The following SGIP1 variants were observed in gnomAD, a reference collection of about 807,000 sequenced individuals.
The protein encoded by SGIP1 is SH3GL interacting endocytic adaptor 1.
SGIP1 carries 38 observed loss-of-function variants against 107.5 expected under a neutral mutation model. That is an observed-to-expected ratio of 0.35 (90% CI 0.27 to 0.46). The LOEUF is 0.46. SGIP1 is among the 20% of genes least tolerant of loss of function. The pLI is 1.00. For synonymous variants in SGIP1, 365 were observed against 366.1 expected (o/e 1.00, Z 0.03); for missense variants, 929 against 1,019.5 (o/e 0.91, Z 1.21).
rs991370760 is a variant in SGIP1 at position 66,747,103 on chromosome 1, T to C, written c.*4008T>C. The C allele has an allele frequency of 6.6e-5, 10 of 152,188 alleles. No individual in the cohort carries two copies. The East Asian group carries it at 7.7e-4, about 12-fold the overall frequency. The allele number at this position is 152,188 out of a possible 1,614,324, so 9.4% of individuals were successfully genotyped here. A position where few individuals can be genotyped will look rare whatever the true frequency, so the allele number is the denominator to read the frequency against. ...CTACTTTACTCAGATATACCACCTT[T>C]TGTGGCATTATAAGGAAACATGTAT... On this transcript the variant is annotated 3_prime_UTR_variant, in exon 25 of 25. Transcript: ENST00000371037.
At chr1:66,701,083 G>A (rs1201897743) in intron 18 of SGIP1, among the ~76,000 whole-genome samples, 3 of 152,036 alleles carry the variant, frequency 2.0e-5, no homozygotes, top group African/African-American at 7.3e-5. Flanking sequence ...TTAGTCATTG[G>A]CAAGTCACAA....
At chr1:66,742,611 A>C (rs1258734306) in intron 24 of SGIP1, among the ~76,000 whole-genome samples, 1 of 149,096 alleles carries the variant, frequency 6.7e-6, no homozygotes, top group African/African-American at 2.5e-5. Flanking sequence ...CTGGGACTAC[A>C]GGCGCCCACC....
intron 21 of SGIP1, among the ~76,000 whole-genome samples, chr1:66,735,960 T>C (rs1248498188): frequency 6.6e-6 from 1 of 151,584 alleles, no homozygotes; most frequent in African/African-American, 2.4e-5. Flanking sequence ...TTATTTTTCT[T>C]CAAATGAAGG....
intron 1 of SGIP1, among the ~76,000 whole-genome samples, chr1:66,625,104 A>G (rs997360211): frequency 6.6e-6 from 1 of 152,238 alleles, no homozygotes; most frequent in Admixed American, 6.5e-5. Flanking sequence ...ACCATTTGAT[A>G]TATCATAATA....
intron 1 of SGIP1, among the ~76,000 whole-genome samples, chr1:66,575,700 T>C (rs2060967989): frequency 6.6e-6 from 1 of 152,208 alleles, no homozygotes. Flanking sequence ...AAATTATTCA[T>C]GCCTGGTGCA....
At chr1:66,604,282 A>C (rs2066404702) in intron 1 of SGIP1, among the ~76,000 whole-genome samples, 1 of 152,192 alleles carries the variant, frequency 6.6e-6, no homozygotes. Flanking sequence ...ATAATGTAGC[A>C]AAATATTCCA....
chr1:66,721,886 A>G (rs1192866382), intron 19 of SGIP1, among the ~76,000 whole-genome samples: 1 of 152,106 alleles, frequency 6.6e-6, no homozygotes, highest in Non-Finnish European at 1.5e-5. Flanking sequence ...CCGCTTTTGC[A>G]CCCCTACAAA....
chr1:66,664,450 C>G (rs1281450653), intron 8 of SGIP1, among the ~76,000 whole-genome samples: 2 of 152,144 alleles, frequency 1.3e-5, no homozygotes, highest in Admixed American at 1.3e-4. Flanking sequence ...CACAATGACT[C>G]TCTGCTTTTG....
intron 1 of SGIP1, among the ~76,000 whole-genome samples, chr1:66,589,212 A>ATGTGTGTGTGTGTGTG (rs1203908242): frequency 4.5e-5 from 4 of 89,798 alleles, no homozygotes; most frequent in East Asian, 3.0e-4. Context: ...ATATATATAT[A>ATGTGTGTGTGTGTGTG]TATATGTAAG....
At chr1:66,538,491 G>A (rs758322280) in intron 1 of SGIP1, among the ~76,000 whole-genome samples, 2 of 152,020 alleles carry the variant, frequency 1.3e-5, no homozygotes, top group Non-Finnish European at 2.9e-5. Context: ...AAAAGAATAT[G>A]GAGTCTTTAA....
At chr1:66,542,676 G>C (rs147056026) in intron 1 of SGIP1, among the ~76,000 whole-genome samples, 1 of 152,222 alleles carries the variant, frequency 6.6e-6, no homozygotes, top group Middle Eastern at 3.4e-3. Context: ...CTTATGAATT[G>C]GTTATTTCTA....
intron 7 of SGIP1, among the ~76,000 whole-genome samples, chr1:66,648,184 C>T (rs2078004624): frequency 6.6e-6 from 1 of 152,182 alleles, no homozygotes; most frequent in African/African-American, 2.4e-5. Flanking sequence ...TAGGAAGGGG[C>T]ATGCCCTTGG....
intron 18 of SGIP1, among the ~76,000 whole-genome samples, chr1:66,715,573 T>C (rs2093190092): frequency 6.6e-6 from 1 of 152,110 alleles, no homozygotes. Flanking sequence ...TGACTTGTGG[T>C]TGTGTGTTCC....
chr1:66,622,510 G>A (rs188157030), intron 1 of SGIP1, among the ~76,000 whole-genome samples: 12 of 152,148 alleles, frequency 7.9e-5, no homozygotes, highest in South Asian at 6.2e-4. Context: ...CATTATAACC[G>A]GGCTGCCTAG....
At position 66,689,152 on chromosome 1, in the gene SGIP1, A is replaced by G. The variant is rs776037372; in HGVS notation, c.1320A>G (p.Ala440=). ...SGPGPGTTSG[A]SSPARPATPL... ...TAATGCTAGTTTGTTTTTCAGGTGC[A>G]TCATCCCCTGCTCGACCAGCCACTC... Residue 440 remains alanine, a synonymous_variant, in exon 16 of 25, where the codon GCA becomes GCG. Transcript: ENST00000371037. The G allele has an allele frequency of 6.2e-7, 1 of 1,612,082 alleles. No homozygotes were observed. The highest frequency in any genetic ancestry group is 1.1e-5 in the South Asian group (1 of 90,744).
chr1:66,608,135 T>TG lies in SGIP1; in HGVS notation c.11-17710dup, dbSNP rs1325222144. Among the ~76,000 whole-genome samples, 8 of 152,354 alleles carry TG rather than the reference T, an allele frequency of 5.3e-5. No homozygotes were observed. In the East Asian group the frequency reaches 5.8e-4, roughly 11 times the overall value. The stretch of plus-strand genomic sequence containing the variant: ...TCATCACTATCTATCCATGCCATGT[T>TG]GGCAAATTGCAGGACTTCTCAGAGA... On this transcript the variant is annotated intron_variant, in intron 1 of 24. Transcript: ENST00000371037.
intron 7 of SGIP1, chr1:66,660,099 AGGAAGAAG>A (rs1319583909): frequency 1.9e-5 from 2 of 106,890 alleles, no homozygotes; most frequent in South Asian, 3.8e-4. Flanking sequence ...GAAGGAAGGA[AGGAAGAAG>A]GAAGGAAGGA....
At chr1:66,594,102 T>G (rs2064162690) in intron 1 of SGIP1, among the ~76,000 whole-genome samples, 3 of 152,168 alleles carry the variant, frequency 2.0e-5, no homozygotes, top group African/African-American at 7.2e-5. Flanking sequence ...GTTTAGAAAT[T>G]TTTAAATATT....
At chr1:66,617,093 G>A (rs1007624881) in intron 1 of SGIP1, among the ~76,000 whole-genome samples, 1 of 152,170 alleles carries the variant, frequency 6.6e-6, no homozygotes, top group Non-Finnish European at 1.5e-5. Context: ...AGAAATGTAG[G>A]TGAAGCATTC....
Sources: allele counts gnomAD v4.1 joint callset (sites outside exome capture counted in the v4.1 genomes callset), GRCh38; gene constraint gnomAD v4.1.1; transcripts MANE v1.5; gene names NCBI Gene and HGNC (gene_info 2026-07-23, HGNC 2026-07-21).